ZNF518A: variants seen among roughly 807,000 people sequenced by gnomAD.
ZNF518A encodes zinc finger protein 518A.
A neutral mutation model predicts 102.7 loss-of-function variants in ZNF518A; 47 were observed. The ratio of observed to expected loss-of-function variants is 0.46; its 90% confidence interval spans 0.36 to 0.58. The LOEUF is 0.58. ZNF518A is among the 20% of genes least tolerant of loss of function. The probability of loss-of-function intolerance (pLI) is 0.00; values close to 1 mark genes in which losing one functional copy is unlikely to be tolerated. For synonymous variants in ZNF518A, 652 were observed against 594.6 expected (o/e 1.10, Z -1.40); for missense variants, 1,793 against 1,699.8 (o/e 1.05, Z -0.96).
At chr10:96,140,748 T>C (rs1475413698) in intron 3 of ZNF518A, among the ~76,000 whole-genome samples, 3 of 149,462 alleles carry the variant, frequency 2.0e-5, no homozygotes, top group African/African-American at 7.4e-5. Flanking sequence ...CTGGGCAACA[T>C]GGTGAAACCC....
chr10:96,145,450 C>T (rs1027132570), intron 3 of ZNF518A, among the ~76,000 whole-genome samples: 44 of 152,188 alleles, frequency 2.9e-4, no homozygotes, highest in African/African-American at 1.0e-3. Context: ...TTTAGGTAGC[C>T]TCATTCCTCA....
chr10:96,148,865 A>G (rs886568221), intron 3 of ZNF518A, among the ~76,000 whole-genome samples: 4 of 152,038 alleles, frequency 2.6e-5, no homozygotes, highest in Non-Finnish European at 5.9e-5. Flanking sequence ...ACAGGCGCCC[A>G]CCACCACACC....
chr10:96,194,252 G>A (rs1441111370), intron 1 of ZNF518A, among the ~76,000 whole-genome samples: 3 of 152,186 alleles, frequency 2.0e-5, no homozygotes, highest in Non-Finnish European at 1.5e-5. Context: ...TGCTGGAGAA[G>A]CTTTAGGATG....
At chr10:96,166,534 C>T (rs923846617), downstream of ZNF518A, among the ~76,000 whole-genome samples, 4 of 151,960 alleles carry the variant, frequency 2.6e-5, no homozygotes, top group Admixed American at 6.6e-5. Context: ...TCTGGGAGGC[C>T]GAGACGGGCG....
chr10:96,136,734 T>C (rs587657033), intron 3 of ZNF518A, among the ~76,000 whole-genome samples: 4 of 152,268 alleles, frequency 2.6e-5, no homozygotes, highest in Admixed American at 6.5e-5. Context: ...CATTTTGGGC[T>C]CCAGAACTAG....
chr10:96,155,432 G>A (rs2082653346), intron 4 of ZNF518A, 56 bp downstream of exon 4: 1 of 152,180 alleles, frequency 6.6e-6, no homozygotes, highest in African/African-American at 2.4e-5. Context: ...AATCTGCCAA[G>A]GGCTTTTCCT....
Position 96,159,617 on chromosome 10 carries a change from C to G in ZNF518A, c.3295C>G (p.Pro1099Ala). ...AAAACCACCTCTTTATACCTTCTTGCCTGATGGCAAACAAGCTGTTTTTTT... is the reference window on the plus strand; with the variant it reads ...AAAACCACCTCTTTATACCTTCTTGGCTGATGGCAAACAAGCTGTTTTTTT... ...FPKPPLYTFLPDGKQAVFLKC... is the reference protein window; with the variant it reads ...FPKPPLYTFLADGKQAVFLKC... The change falls in exon 6 of 6, where the codon CCT (proline) becomes GCT (alanine). Residue 1099 changes from proline to alanine, a missense_variant. Around this residue, in one of 3 missense-constraint regions of ZNF518A, gnomAD observed 1,741 missense variants for 1,622.6 expected, o/e 1.07. Coordinates refer to ENST00000316045, the MANE Select transcript of ZNF518A (RefSeq NM_001330736.2). The G allele has an allele frequency of 6.2e-7, 1 of 1,613,784 alleles. No individual in the cohort carries two copies. The highest frequency in any genetic ancestry group is 8.5e-7 in the Non-Finnish European group (1 of 1,179,790).
intron 1 of ZNF518A, chr10:96,192,007 G>C (rs1554893547): frequency 1.9e-6 from 3 of 1,613,536 alleles, no homozygotes; most frequent in Non-Finnish European, 2.5e-6. Flanking sequence ...CAGTCTGGTG[G>C]AATCTTTTGT....
intron 1 of ZNF518A, among the ~76,000 whole-genome samples, chr10:96,192,590 C>T (rs1295082989): frequency 6.6e-6 from 1 of 152,104 alleles, no homozygotes; most frequent in Non-Finnish European, 1.5e-5. Context: ...TATAAACCTT[C>T]ATATTTCCAT....
At chr10:96,189,988 AG>A in intron 1 of ZNF518A, 1 of 830,644 alleles carries the variant, frequency 1.2e-6, no homozygotes, top group East Asian at 2.4e-5. Flanking sequence ...ACATTTTCAA[AG>A]GTGCCAGTGT....
chr10:96,193,131 G>A (rs1486288801), intron 1 of ZNF518A, among the ~76,000 whole-genome samples: 1 of 152,136 alleles, frequency 6.6e-6, no homozygotes, highest in Non-Finnish European at 1.5e-5. Context: ...CAGGGAGAGA[G>A]GTAAGAGACA....
At chr10:96,133,080 A>T (rs1554872821) in intron 2 of ZNF518A, among the ~76,000 whole-genome samples, 3 of 151,370 alleles carry the variant, frequency 2.0e-5, no homozygotes, top group African/African-American at 7.2e-5. Context: ...TTTCATTTTA[A>T]TCTAAGCAAA....
At chr10:96,189,617 C>A in intron 1 of ZNF518A, 1 of 700,422 alleles carries the variant, frequency 1.4e-6, no homozygotes, top group Non-Finnish European at 2.7e-6. Flanking sequence ...GTTTTCTATT[C>A]TGATTTGACT....
rs1554885683 is a variant in ZNF518A at position 96,159,219 on chromosome 10, T to C, written c.2897T>C (p.Ile966Thr). ...NALPLVNSQGIPASLFVNKKP... is the reference protein window; with the variant it reads ...NALPLVNSQGTPASLFVNKKP... ...CTTCCATTGGTTAATTCACAAGGTA[T>C]CCCTGCTTCTCTTTTTGTAAACAAG... The change falls in exon 6 of 6, where the codon ATC becomes ACC. Residue 966 changes from isoleucine (I) to threonine (T), a missense_variant. Coordinates refer to ENST00000316045, the MANE Select transcript of ZNF518A (RefSeq NM_001330736.2). 1 of 1,613,736 alleles carries C rather than the reference T, an allele frequency of 6.2e-7. No homozygotes were observed. The highest frequency in any genetic ancestry group is 1.7e-5 in the Admixed American group (1 of 60,008).
intron 3 of ZNF518A, among the ~76,000 whole-genome samples, chr10:96,151,785 GT>G (rs1306134044): frequency 3.1e-4 from 47 of 152,242 alleles, no homozygotes; most frequent in African/African-American, 1.1e-3. Flanking sequence ...TGTTTTTCTA[GT>G]TCCTAGCCAT....
chr10:96,138,029 C>G (rs1206874371), intron 3 of ZNF518A, among the ~76,000 whole-genome samples: 1 of 152,140 alleles, frequency 6.6e-6, no homozygotes, highest in Non-Finnish European at 1.5e-5. Context: ...ATGTCTCTTT[C>G]TTTCAGAGAA....
At chr10:96,164,864 G>T (rs1554889761), downstream of ZNF518A, among the ~76,000 whole-genome samples, 1 of 152,108 alleles carries the variant, frequency 6.6e-6, no homozygotes, top group East Asian at 1.9e-4. Flanking sequence ...CAAAAGTAAG[G>T]GTTATGTTTA....
chr10:96,158,850 C>G lies in ZNF518A; in HGVS notation c.2528C>G (p.Pro843Arg). 6.2e-7 allele frequency: 1 copy of G among 1,613,774 alleles called. No individual in the cohort carries two copies. Among genetic ancestry groups the G allele is most frequent in the African/African-American group, 1.3e-5 (1 of 75,026 alleles). Reference protein sequence around the residue: ...FKVQGIFPVPPGSVGINVPTN... With the variant: ...FKVQGIFPVPRGSVGINVPTN... ...GTGCAAGGCATCTTCCCAGTTCCAC[C>G]TGGCAGTGTGGGTATTAATGTGCCT... is the stretch of plus-strand genomic sequence containing the variant. Residue 843 changes from proline (P) to arginine (R), a missense_variant, in exon 6 of 6, where the codon CCT becomes CGT. Physicochemically the swap from Pro to Arg is moderately radical, Grantham distance 103. Transcript: ENST00000316045.
At chr10:96,165,469 CCA>C (rs1564798161), downstream of ZNF518A, among the ~76,000 whole-genome samples, 2 of 42,912 alleles carry the variant, frequency 4.7e-5, no homozygotes, top group Non-Finnish European at 5.1e-5. Context: ...ACAACAACAA[CCA>C]AAAAAAAAAA....
Sources: gnomAD v4.1 joint callset for allele counts (sites outside exome capture counted in the v4.1 genomes callset) on GRCh38, gnomAD v4.1.1 for gene constraint, gnomAD v4.1.1 regional missense constraint, MANE v1.5 for transcripts, NCBI Gene and HGNC (gene_info 2026-07-23, HGNC 2026-07-21) for gene names.